LCOR: variants seen among roughly 807,000 people sequenced by gnomAD.
The protein encoded by LCOR is ligand-dependent corepressor.
Under a neutral mutation model 64.4 loss-of-function variants are expected in LCOR, and 14 were observed. The observed-to-expected ratio is 0.22, with a 90% CI of 0.14 to 0.34. The LOEUF (loss-of-function observed/expected upper bound fraction) is 0.34. Among genes scored for constraint, LCOR ranks in the 10% least tolerant of loss-of-function variants. The probability of loss-of-function intolerance (pLI) is 1.00; values close to 1 mark genes in which losing one functional copy is unlikely to be tolerated. For synonymous variants in LCOR, 643 were observed against 642.5 expected (o/e 1.00, Z -0.01); for missense variants, 1,686 against 1,765.3 (o/e 0.96, Z 0.80).
At position 96,981,099 on chromosome 10, in the gene LCOR, C is replaced by T; in HGVS notation, c.639C>T (p.His213=). ...TGTTCGTAGACTCGTCAGACTCTCA[C>T]AGCCCTCTACACTTGACGGAACAGA... is the stretch of plus-strand genomic sequence containing the variant. The part of the protein sequence containing the change: ...VDLFVDSSDS[H]SPLHLTEQTP... Residue 213 remains histidine (H), a synonymous_variant, in exon 8 of 8, where the codon CAC becomes CAT. Transcript: ENST00000421806. The T allele has an allele frequency of 1.4e-6, 1 of 703,148 alleles. No homozygotes were observed. Among genetic ancestry groups the T allele is most frequent in the Non-Finnish European group, 2.6e-6 (1 of 385,122 alleles). 43.6% of individuals were successfully genotyped at this position (703,148 alleles called of 1,614,324 possible). A position where few individuals can be genotyped will look rare whatever the true frequency, so the allele number is the denominator to read the frequency against.
chr10:96,886,700 T>TG (rs1477652745), intron 2 of LCOR, among the ~76,000 whole-genome samples: 2 of 152,232 alleles, frequency 1.3e-5, no homozygotes, highest in East Asian at 3.9e-4. Context: ...GAGATTTTAC[T>TG]GGATTGTTTG....
At chr10:96,845,738 A>G (rs1248897132) in intron 2 of LCOR, among the ~76,000 whole-genome samples, 1 of 151,092 alleles carries the variant, frequency 6.6e-6, no homozygotes, top group African/African-American at 2.4e-5. Context: ...AAGTGCTGGG[A>G]TTACAGGTGT....
At chr10:96,937,113 A>G (rs1440010244) in intron 4 of LCOR, among the ~76,000 whole-genome samples, 5 of 152,184 alleles carry the variant, frequency 3.3e-5, no homozygotes, top group African/African-American at 1.2e-4. Context: ...CCTAAATCCA[A>G]TGACTGGTTG....
intron 4 of LCOR, among the ~76,000 whole-genome samples, chr10:96,941,276 C>G (rs1241755430): frequency 5.8e-5 from 8 of 137,388 alleles, no homozygotes; most frequent in South Asian, 2.3e-4. Context: ...GGCGGCTGGC[C>G]AGGCGGGGGG....
chr10:96,948,156 A>G (rs917172273), intron 5 of LCOR, among the ~76,000 whole-genome samples: 1 of 152,200 alleles, frequency 6.6e-6, no homozygotes, highest in African/African-American at 2.4e-5. Flanking sequence ...CTTCGAGTTA[A>G]TGAGTTCTTA....
chr10:96,838,470 T>G (rs1338602355), intron 2 of LCOR, among the ~76,000 whole-genome samples: 1 of 152,208 alleles, frequency 6.6e-6, no homozygotes, highest in Non-Finnish European at 1.5e-5. Flanking sequence ...CCATAGGCAG[T>G]TCCACATTCC....
chr10:96,931,122 AT>A (rs1159172822), intron 4 of LCOR, among the ~76,000 whole-genome samples: 1 of 152,058 alleles, frequency 6.6e-6, no homozygotes, highest in East Asian at 1.9e-4. Context: ...AATATTATTT[AT>A]AATATTATTA....
chr10:96,954,773 G>A (rs1287729851), intron 7 of LCOR, among the ~76,000 whole-genome samples: 4 of 150,228 alleles, frequency 2.7e-5, no homozygotes, highest in Non-Finnish European at 5.9e-5. Context: ...TCCTTTTTTT[G>A]TGAACAAGTT....
rs969786061 is a variant in LCOR at position 96,992,515 on chromosome 10, C to T, written c.*7381C>T. The T allele has an allele frequency of 6.6e-6, 1 of 152,306 alleles. No individual in the cohort carries two copies. The highest frequency in any genetic ancestry group is 2.4e-5 in the African/African-American group (1 of 41,470). 9.4% of individuals were successfully genotyped at this position (152,306 alleles called of 1,614,324 possible). ...GAAGCACGTCTCCCCCACTGTCACC[C>T]CATCCCACAACAAAGTGGGAATCCC... is the stretch of plus-strand genomic sequence containing the variant. On this transcript the variant is annotated 3_prime_UTR_variant, in exon 8 of 8. Transcript: ENST00000421806.
chr10:96,891,688 GCACGC>G (rs1564617126), intron 2 of LCOR, among the ~76,000 whole-genome samples: 1 of 151,248 alleles, frequency 6.6e-6, no homozygotes, highest in Non-Finnish European at 1.5e-5. Context: ...GATTACAGGT[GCACGC>G]CACCACGTCC....
intron 7 of LCOR, among the ~76,000 whole-genome samples, chr10:96,980,012 C>T (rs964614888): frequency 6.6e-6 from 1 of 152,154 alleles, no homozygotes; most frequent in African/African-American, 2.4e-5. Context: ...GGCGTGGCGG[C>T]GTGCGCCTGT....
chr10:96,985,441 A>T lies in LCOR; in HGVS notation c.*307A>T. On this transcript the variant is annotated 3_prime_UTR_variant, in exon 8 of 8. Transcript: ENST00000421806. ...TCCTTTTTGTTTTTAAATTTACAAA[A>T]GCTAAAAAGCTGATCTATGTGATTA... 4.3e-6 allele frequency: 1 copy of T among 230,300 alleles called. No homozygotes were observed. Among genetic ancestry groups the T allele is most frequent in the South Asian group, 1.4e-4 (1 of 6,994 alleles). The allele number at this position is 230,300 out of a possible 1,614,324, so 14.3% of individuals were successfully genotyped here.
At chr10:96,836,868 AG>A (rs1845450532) in intron 2 of LCOR, among the ~76,000 whole-genome samples, 1 of 152,250 alleles carries the variant, frequency 6.6e-6, no homozygotes, top group African/African-American at 2.4e-5. Flanking sequence ...AATGCAGGTT[AG>A]AAAGTGGAGA....
intron 7 of LCOR, chr10:96,962,149 C>G (rs1015341397): frequency 6.6e-6 from 1 of 152,062 alleles, no homozygotes; most frequent in Middle Eastern, 3.4e-3. Context: ...TTAAAAAAGA[C>G]AATAACATTT....
intron 2 of LCOR, among the ~76,000 whole-genome samples, chr10:96,884,357 A>C (rs548815842): frequency 1.3e-5 from 2 of 152,352 alleles, no homozygotes; most frequent in Non-Finnish European, 1.5e-5. Context: ...TCCTGGGAGC[A>C]ACATATTTGA....
intron 4 of LCOR, among the ~76,000 whole-genome samples, chr10:96,929,593 GTT>G (rs1391667752): frequency 2.0e-5 from 3 of 152,300 alleles, no homozygotes; most frequent in African/African-American, 7.2e-5. Context: ...CAATAAAGCT[GTT>G]TTACTTTGTC....
chr10:96,847,347 CAAAA>C (rs542943351), intron 2 of LCOR, among the ~76,000 whole-genome samples: 2 of 74,272 alleles, frequency 2.7e-5, no homozygotes, highest in African/African-American at 4.8e-5. Flanking sequence ...CTTAATTTTT[CAAAA>C]AAAAAAAAAA....
chr10:96,993,322 A>G lies in LCOR; in HGVS notation c.*8188A>G, dbSNP rs2134575257. ...AAACAAATGAGGCAGACACTTGAACAGTAATGCTGGAGAATGTTTTTTCTA... is the reference window on the plus strand; with the variant it reads ...AAACAAATGAGGCAGACACTTGAACGGTAATGCTGGAGAATGTTTTTTCTA... On this transcript the variant is annotated 3_prime_UTR_variant, in exon 8 of 8. Transcript: ENST00000421806. 1 of 152,348 alleles carries G rather than the reference A, an allele frequency of 6.6e-6. No individual in the cohort carries two copies. Among genetic ancestry groups the G allele is most frequent in the East Asian group, 1.9e-4 (1 of 5,188 alleles). The allele number at this position is 152,348 out of a possible 1,614,324, so 9.4% of individuals were successfully genotyped here.
chr10:96,966,220 C>G (rs1436341729), intron 7 of LCOR, among the ~76,000 whole-genome samples: 292 of 55,146 alleles, frequency 5.3e-3, no homozygotes, highest in Non-Finnish European at 7.8e-3. Context: ...CCAAAGGACT[C>G]TTTTTTTTTT....
Sources: gnomAD v4.1 joint callset for allele counts (sites outside exome capture counted in the v4.1 genomes callset) on GRCh38, gnomAD v4.1.1 for gene constraint, MANE v1.5 for transcripts, NCBI Gene and HGNC (gene_info 2026-07-23, HGNC 2026-07-21) for gene names.